Variants in PTK2 observed in about 807,000 individuals in gnomAD.
PTK2 encodes focal adhesion kinase 1.
In PTK2, 45 loss-of-function variants were observed where a neutral mutation model predicts 150.1. The ratio of observed to expected loss-of-function variants is 0.30; its 90% CI spans 0.24 to 0.38. The LOEUF is 0.38. Among genes scored for constraint, PTK2 ranks in the 10% least tolerant of loss-of-function variants. The pLI, the probability that PTK2 is intolerant of heterozygous loss-of-function variation, is 1.00. For synonymous variants in PTK2, 432 were observed against 449.2 expected, an observed-to-expected ratio of 0.96 and a Z score of 0.48; for missense variants, 919 against 1,307.3, an observed-to-expected ratio of 0.70 and a Z score of 4.58.
chr8:140,717,854 T>C, intron 22 of PTK2, 145 bp from the exon 26 acceptor site: 1 of 612,426 alleles, frequency 1.6e-6, no homozygotes, highest in Non-Finnish European at 2.9e-6. Context: ...GAAAGAAGGA[T>C]CAGGTTTCTA....
intron 26 of PTK2, 104 bp from the exon 30 acceptor site, chr8:140,686,798 A>G: frequency 2.0e-6 from 2 of 999,402 alleles, no homozygotes; most frequent in Non-Finnish European, 3.0e-6. Flanking sequence ...TGTCCTCTGA[A>G]TAAGAAGAGT....
chr8:140,756,428 C>T (rs1013328478), intron 16 of PTK2, among the ~76,000 whole-genome samples: 54 of 151,062 alleles, frequency 3.6e-4, no homozygotes, highest in African/African-American at 1.1e-3. Context: ...CCGGGCGCAG[C>T]GGCTCACACC....
intron 1 of PTK2, among the ~76,000 whole-genome samples, chr8:140,975,200 C>A (rs1184408884): frequency 6.6e-6 from 1 of 152,182 alleles, no homozygotes; most frequent in East Asian, 1.9e-4. Context: ...TCCTTAATGA[C>A]AAAGGTTGGG....
intron 10 of PTK2, among the ~76,000 whole-genome samples, chr8:140,812,747 A>T (rs1376491630): frequency 6.6e-6 from 1 of 152,216 alleles, no homozygotes; most frequent in Non-Finnish European, 1.5e-5. Context: ...TTTCAGACAA[A>T]ACAGACTTTA....
chr8:140,901,712 G>C (rs1323922690), intron 2 of PTK2, among the ~76,000 whole-genome samples: 10 of 145,108 alleles, frequency 6.9e-5, no homozygotes. Context: ...GTGCAGGTTT[G>C]TTATGTAGGT....
chr8:140,854,857 A>C (rs2100131559), intron 5 of PTK2, among the ~76,000 whole-genome samples: 1 of 152,162 alleles, frequency 6.6e-6, no homozygotes, highest in South Asian at 2.1e-4. Context: ...AGAAATAATA[A>C]AATTAGGGGA....
intron 30 of PTK2, among the ~76,000 whole-genome samples, chr8:140,666,445 A>G (rs886078256): frequency 1.3e-5 from 2 of 152,192 alleles, no homozygotes; most frequent in Non-Finnish European, 2.9e-5. Context: ...AAAAAGAAAA[A>G]AAAAACTTGA....
At chr8:140,691,866 T>C (rs1228300280) in intron 26 of PTK2, among the ~76,000 whole-genome samples, 2 of 152,240 alleles carry the variant, frequency 1.3e-5, no homozygotes, top group Non-Finnish European at 2.9e-5. Flanking sequence ...AGATATGTTA[T>C]AGACGAGGAA....
chr8:140,842,792 A>G (rs558233625), intron 7 of PTK2, among the ~76,000 whole-genome samples: 4 of 152,168 alleles, frequency 2.6e-5, no homozygotes, highest in Non-Finnish European at 5.9e-5. Flanking sequence ...GAACTACAAT[A>G]AACTAAAGAT....
At chr8:140,958,201 G>C (rs1192907419) in intron 1 of PTK2, among the ~76,000 whole-genome samples, 1 of 152,300 alleles carries the variant, frequency 6.6e-6, no homozygotes, top group Middle Eastern at 3.4e-3. Context: ...ACAGTGGTGT[G>C]ATCATGCCTC....
chr8:140,998,414 A>G (rs1334190865), intron 1 of PTK2, among the ~76,000 whole-genome samples: 6 of 152,152 alleles, frequency 3.9e-5, no homozygotes, highest in Non-Finnish European at 8.8e-5. Context: ...TCAAATCAAC[A>G]TTCAGGAAAG....
intron 1 of PTK2, among the ~76,000 whole-genome samples, chr8:140,972,654 T>C (rs1381448019): frequency 6.6e-6 from 1 of 152,230 alleles, no homozygotes; most frequent in Non-Finnish European, 1.5e-5. Context: ...CATAATATTC[T>C]TGTTTTGCCT....
chr8:140,786,512 G>A (rs1261680300), intron 14 of PTK2, among the ~76,000 whole-genome samples: 1 of 152,124 alleles, frequency 6.6e-6, no homozygotes, highest in African/African-American at 2.4e-5. Flanking sequence ...ACTGGTTCCT[G>A]GCCAGCTAGG....
intron 16 of PTK2, among the ~76,000 whole-genome samples, chr8:140,758,566 G>C (rs1378546846): frequency 2.0e-5 from 3 of 152,218 alleles, no homozygotes; most frequent in African/African-American, 7.2e-5. Context: ...GTCGAAGACA[G>C]TGATGTGGAT....
intron 1 of PTK2, among the ~76,000 whole-genome samples, chr8:140,928,384 G>A (rs572681750): frequency 6.6e-6 from 1 of 152,254 alleles, no homozygotes; most frequent in East Asian, 1.9e-4. Flanking sequence ...AACTGCTATG[G>A]AAAACAACAT....
chr8:140,956,132 G>C lies in PTK2; in HGVS notation c.-121-30383C>G, dbSNP rs1318487405. ...GGAACCTGATACGTCTAAGAAGAAA[G>C]ATCTAAAGATACCAATGCTGGGGAT... On this transcript the variant is annotated intron_variant, in intron 1 of 31. Coordinates refer to ENST00000522684, the Ensembl canonical transcript of PTK2. 2.6e-5 allele frequency among the ~76,000 whole-genome samples: 4 copies of C among 152,350 alleles called. No individual in the cohort carries two copies. The South Asian group carries it at 8.3e-4, about 32-fold the overall frequency.
intron 14 of PTK2, among the ~76,000 whole-genome samples, chr8:140,768,195 T>C (rs1335042078): frequency 1.3e-5 from 2 of 152,088 alleles, no homozygotes; most frequent in African/African-American, 2.4e-5. Context: ...ATGATCACCA[T>C]CCCTATTTCA....
intron 4 of PTK2, among the ~76,000 whole-genome samples, chr8:140,871,273 A>G (rs1266919852): frequency 2.6e-5 from 4 of 152,244 alleles, no homozygotes; most frequent in Admixed American, 1.3e-4. Context: ...ATATGAAAAT[A>G]TATTTCAAAA....
intron 5 of PTK2, among the ~76,000 whole-genome samples, chr8:140,852,428 TAC>T (rs142186413): frequency 1.1e-4 from 17 of 151,730 alleles, no homozygotes; most frequent in East Asian, 3.9e-4. Context: ...TGCACAGAAT[TAC>T]ACACACACAC....
Sources: gnomAD v4.1 joint callset for allele counts (sites outside exome capture counted in the v4.1 genomes callset) on GRCh38, gnomAD v4.1.1 for gene constraint, MANE v1.5 for transcripts, NCBI Gene and HGNC (gene_info 2026-07-23, HGNC 2026-07-21) for gene names.